The following PHF2 variants were observed in gnomAD, a reference collection of about 807,000 sequenced individuals.
PHF2 encodes the protein PHD finger protein 2, also known as lysine-specific demethylase PHF2.
A neutral mutation model predicts 120.5 loss-of-function variants in PHF2; 27 were observed. The observed-to-expected ratio is 0.22, with a 90% CI of 0.17 to 0.31. The LOEUF (loss-of-function observed/expected upper bound fraction) is 0.31. Among genes scored for constraint, PHF2 ranks in the 10% least tolerant of loss-of-function variants. The probability of loss-of-function intolerance (pLI) is 1.00; values close to 1 mark genes in which losing one functional copy is unlikely to be tolerated. For synonymous variants in PHF2, 568 were observed against 592.5 expected, an observed-to-expected ratio of 0.96 and a Z score of 0.60; for missense variants, 1,024 against 1,434.8, an observed-to-expected ratio of 0.71 and a Z score of 4.63.
chr9:93,621,093 C>T (rs10821182), intron 1 of PHF2, among the ~76,000 whole-genome samples: 127,472 of 152,272 alleles, frequency 0.84, 54,317 homozygotes, highest in East Asian at 1. Context: ...GCACAGGCAG[C>T]AGGGGTTGGA....
chr9:93,658,613 T>C (rs1166268544), intron 10 of PHF2, among the ~76,000 whole-genome samples: 2 of 151,762 alleles, frequency 1.3e-5, no homozygotes, highest in African/African-American at 4.8e-5. Flanking sequence ...GGGATGACAC[T>C]GTGTGAGCAC....
In PHF2 at chr9:93,645,633, G is replaced by A; in HGVS notation, c.304G>A (p.Glu102Lys). 6.3e-7 allele frequency: 1 copy of A among 1,594,982 alleles called. No individual in the cohort carries two copies. Among genetic ancestry groups the A allele is most frequent in the Non-Finnish European group, 8.6e-7 (1 of 1,168,666 alleles). Residue 102 changes from glutamate to lysine, a missense_variant, in exon 4 of 22, where the codon GAA becomes AAA. Glu to Lys is a moderately conservative substitution (Grantham distance 56, BLOSUM62 1). Transcript: ENST00000359246. ...ELRSRTFPSAEDVVARVPGSQ... is the reference protein window; with the variant it reads ...ELRSRTFPSAKDVVARVPGSQ... ...CTGACCTGTGCTTCCCTGCAGTGCT[G>A]AAGACGTGGTGGCCCGTGTGCCAGG...
At chr9:93,613,540 GTTC>G (rs61705936) in intron 1 of PHF2, among the ~76,000 whole-genome samples, 55,849 of 148,990 alleles carry the variant, frequency 0.37, 10,814 homozygotes, top group Non-Finnish European at 0.4. Context: ...GGAGATTGGG[GTTC>G]TTCTGATTTT....
chr9:93,616,762 T>A (rs115265515), intron 1 of PHF2, among the ~76,000 whole-genome samples: 3,532 of 152,174 alleles, frequency 0.023, 69 homozygotes, highest in Middle Eastern at 0.037. Context: ...TTCAAGTGAT[T>A]TCTCCTGCTG....
At chr9:93,592,442 GA>G (rs1468669004) in intron 1 of PHF2, among the ~76,000 whole-genome samples, 1 of 152,160 alleles carries the variant, frequency 6.6e-6, no homozygotes, top group Non-Finnish European at 1.5e-5. Flanking sequence ...GGTTCTTGGT[GA>G]AGTTCCCCTA....
Position 93,663,647 on chromosome 9 carries a change from C to T in PHF2, c.1937+12C>T. The stretch of plus-strand genomic sequence containing the variant: ...AAGAAACTCCTCGGGTATGTGAGTG[C>T]CTGGATGGGAGGGGTGACCTCGCGC... On this transcript the variant is annotated intron_variant, in intron 14 of 21. Transcript: ENST00000359246. 3 of 1,539,140 alleles carry T rather than the reference C, an allele frequency of 1.9e-6. No homozygotes were observed. The highest frequency in any genetic ancestry group is 2.7e-6 in the Non-Finnish European group (3 of 1,115,776).
At chr9:93,597,567 G>C (rs1409727951) in intron 1 of PHF2, among the ~76,000 whole-genome samples, 1 of 152,162 alleles carries the variant, frequency 6.6e-6, no homozygotes, top group African/African-American at 2.4e-5. Flanking sequence ...CAGGCAGTGG[G>C]ACATTGGTCC....
At chr9:93,590,111 G>A (rs532663455) in intron 1 of PHF2, among the ~76,000 whole-genome samples, 1 of 152,114 alleles carries the variant, frequency 6.6e-6, no homozygotes, top group African/African-American at 2.4e-5. Context: ...ATAGCATTTC[G>A]GATTTTAAAA....
intron 1 of PHF2, among the ~76,000 whole-genome samples, chr9:93,620,346 TG>T (rs1194533292): frequency 6.6e-6 from 1 of 152,122 alleles, no homozygotes; most frequent in African/African-American, 2.4e-5. Context: ...ATCCCCACGC[TG>T]GGGCAGGGGC....
At chr9:93,600,383 G>C (rs1385891767) in intron 1 of PHF2, among the ~76,000 whole-genome samples, 1 of 152,188 alleles carries the variant, frequency 6.6e-6, no homozygotes, top group Non-Finnish European at 1.5e-5. Context: ...GCGTCTTTGT[G>C]ATCTCCCAGT....
Position 93,679,186 on chromosome 9 carries a change from A to G in PHF2, c.*1510A>G. ...CTTTGTTTATATACCCATTACCTGG[A>G]TGTTTTTGTCCACTGGGAGAGGCAG... is the stretch of plus-strand genomic sequence containing the variant. On this transcript the variant is annotated 3_prime_UTR_variant, in exon 22 of 22. Coordinates refer to ENST00000359246, the MANE Select transcript of PHF2 (RefSeq NM_005392.4). The G allele has an allele frequency of 2.2e-6, 1 of 454,070 alleles. No individual in the cohort carries two copies. Among genetic ancestry groups the G allele is most frequent in the South Asian group, 1.6e-5 (1 of 63,952 alleles). 28.1% of individuals were successfully genotyped at this position (454,070 alleles called of 1,614,324 possible).
At chr9:93,589,249 T>G (rs192220421) in intron 1 of PHF2, among the ~76,000 whole-genome samples, 13 of 152,316 alleles carry the variant, frequency 8.5e-5, no homozygotes, top group Admixed American at 2.6e-4. Context: ...TGGGTTCAGT[T>G]TGAGGGAAAC....
chr9:93,642,065 C>G (rs1311414650), intron 3 of PHF2, among the ~76,000 whole-genome samples: 1 of 152,214 alleles, frequency 6.6e-6, no homozygotes, highest in Non-Finnish European at 1.5e-5. Context: ...TGTTTTGGCA[C>G]TCTCCTTGAA....
At chr9:93,584,560 G>T (rs1158414833) in intron 1 of PHF2, among the ~76,000 whole-genome samples, 1 of 152,172 alleles carries the variant, frequency 6.6e-6, no homozygotes, top group African/African-American at 2.4e-5. Context: ...GTATACACAG[G>T]GGTTTATTTC....
intron 1 of PHF2, among the ~76,000 whole-genome samples, chr9:93,601,481 T>C (rs1324838427): frequency 1.3e-5 from 2 of 152,192 alleles, no homozygotes; most frequent in Non-Finnish European, 2.9e-5. Flanking sequence ...TCAGTGTCTT[T>C]ATTTGATAAA....
intron 4 of PHF2, 25 bp downstream of exon 4, chr9:93,645,814 C>G: frequency 6.5e-7 from 1 of 1,545,062 alleles, no homozygotes; most frequent in South Asian, 1.2e-5. Flanking sequence ...CTTCACAGTG[C>G]TCTGGGGCTG....
chr9:93,649,663 T>C (rs1462969416), intron 5 of PHF2, among the ~76,000 whole-genome samples: 1 of 141,746 alleles, frequency 7.1e-6, no homozygotes, highest in African/African-American at 2.5e-5. Flanking sequence ...CCAACACTCA[T>C]GACACCCACT....
chr9:93,647,500 CAGTA>C (rs944267798), intron 4 of PHF2, among the ~76,000 whole-genome samples: 4 of 152,154 alleles, frequency 2.6e-5, no homozygotes, highest in South Asian at 4.1e-4. Flanking sequence ...ATTAGAGAAA[CAGTA>C]AGCCCTCATG....
chr9:93,648,295 C>T (rs1001953412), intron 4 of PHF2, among the ~76,000 whole-genome samples: 2 of 152,156 alleles, frequency 1.3e-5, no homozygotes, highest in African/African-American at 2.4e-5. Flanking sequence ...CCTATAAACT[C>T]GTGGTTAGAG....
Sources: allele counts gnomAD v4.1 joint callset (sites outside exome capture counted in the v4.1 genomes callset), GRCh38; gene constraint gnomAD v4.1.1; transcripts MANE v1.5; gene names NCBI Gene and HGNC (gene_info 2026-07-23, HGNC 2026-07-21).